Variants in HNF4G observed in about 807,000 individuals in gnomAD.
HNF4G encodes the protein hepatocyte nuclear factor 4-gamma.
A neutral mutation model predicts 50.9 loss-of-function variants in HNF4G; 21 were observed. The observed-to-expected ratio is 0.41, with a 90% confidence interval of 0.29 to 0.59. The LOEUF is 0.59. Among genes scored for constraint, HNF4G ranks in the 20% least tolerant of loss-of-function variants. HNF4G has a pLI of 0.26. For missense variants in HNF4G, 527 were observed against 559.4 expected, an observed-to-expected ratio of 0.94 and a Z score of 0.58; for synonymous variants, 198 against 185.6, an observed-to-expected ratio of 1.07 and a Z score of -0.54.
chr8:75,548,927 A>C (rs1327260569), intron 3 of HNF4G, among the ~76,000 whole-genome samples: 1 of 152,182 alleles, frequency 6.6e-6, no homozygotes, highest in Non-Finnish European at 1.5e-5. Context: ...AAGGAGAAGC[A>C]CTTTCTCATT....
chr8:75,486,394 G>A (rs1467283274), intron 1 of HNF4G, among the ~76,000 whole-genome samples: 1 of 152,124 alleles, frequency 6.6e-6, no homozygotes, highest in Non-Finnish European at 1.5e-5. Context: ...CCAGATTTGA[G>A]TAACTTGATT....
intron 1 of HNF4G, among the ~76,000 whole-genome samples, chr8:75,473,031 C>A (rs554628606): frequency 1.3e-5 from 2 of 151,970 alleles, no homozygotes; most frequent in African/African-American, 4.8e-5. Context: ...AAGTGTCAGC[C>A]GGGAGCAGTG....
chr8:75,512,816 G>C (rs998434437), intron 2 of HNF4G, among the ~76,000 whole-genome samples: 7 of 152,016 alleles, frequency 4.6e-5, no homozygotes, highest in Non-Finnish European at 1.0e-4. Flanking sequence ...GAATAGATTT[G>C]CAAATATTGT....
At chr8:75,474,205 A>G (rs989848390) in intron 1 of HNF4G, among the ~76,000 whole-genome samples, 1 of 152,194 alleles carries the variant, frequency 6.6e-6, no homozygotes, top group Non-Finnish European at 1.5e-5. Context: ...CAAAACTTAA[A>G]CAGTTAATAA....
chr8:75,505,861 A>G (rs1416272167), intron 2 of HNF4G, among the ~76,000 whole-genome samples: 1 of 152,064 alleles, frequency 6.6e-6, no homozygotes, highest in East Asian at 1.9e-4. Flanking sequence ...CTCTGTTACT[A>G]CTCAATAATT....
intron 2 of HNF4G, among the ~76,000 whole-genome samples, chr8:75,514,370 CT>C (rs570442907): frequency 0.083 from 5,162 of 61,844 alleles, 101 homozygotes; most frequent in Non-Finnish European, 0.11. Context: ...TTTTTTCTTT[CT>C]TTTTTTTTTT....
At chr8:75,498,245 A>G (rs1011332891) in intron 2 of HNF4G, among the ~76,000 whole-genome samples, 2 of 152,162 alleles carry the variant, frequency 1.3e-5, no homozygotes, top group Non-Finnish European at 2.9e-5. Context: ...GTTAACAAGG[A>G]ACAAAAAAGC....
intron 2 of HNF4G, among the ~76,000 whole-genome samples, chr8:75,517,148 A>G (rs1381366434): frequency 6.6e-6 from 1 of 152,160 alleles, no homozygotes; most frequent in Non-Finnish European, 1.5e-5. Flanking sequence ...TAGCATGGGA[A>G]AGACCCACCC....
At chr8:75,479,577 A>AT (rs66931689) in intron 1 of HNF4G, among the ~76,000 whole-genome samples, 13,811 of 144,414 alleles carry the variant, frequency 0.096, 668 homozygotes, top group African/African-American at 0.13. Flanking sequence ...CTTCATTTGC[A>AT]TTTTTTTTTT....
chr8:75,505,368 G>A (rs1813049106), intron 2 of HNF4G, among the ~76,000 whole-genome samples: 1 of 152,062 alleles, frequency 6.6e-6, no homozygotes, highest in South Asian at 2.1e-4. Flanking sequence ...CTTGCCTCTA[G>A]ATACACCTTT....
intron 2 of HNF4G, among the ~76,000 whole-genome samples, chr8:75,522,816 A>G (rs892149044): frequency 1.3e-5 from 2 of 152,194 alleles, no homozygotes; most frequent in Non-Finnish European, 2.9e-5. Flanking sequence ...ATAAGTTAAT[A>G]TGAAGCTGGA....
Position 75,566,456 on chromosome 8 carries a change from G to A in HNF4G, c.*2360G>A, listed in dbSNP as rs1030955011. The stretch of plus-strand genomic sequence containing the variant: ...ATTCGTGTATATTTACTAAACAGCT[G>A]TATCTTTGAAATTGTTAGTAATGAT... On this transcript the variant is annotated 3_prime_UTR_variant, in exon 10 of 10. Transcript: ENST00000396423. 10 of 152,484 alleles carry A rather than the reference G, an allele frequency of 6.6e-5. No individual in the cohort carries two copies. The highest frequency in any genetic ancestry group is 3.3e-4 in the Admixed American group (5 of 15,250). The allele number at this position is 152,484 out of a possible 1,614,324, so 9.4% of individuals were successfully genotyped here.
At chr8:75,449,786 C>T (rs1331245526) in intron 1 of HNF4G, among the ~76,000 whole-genome samples, 2 of 152,130 alleles carry the variant, frequency 1.3e-5, no homozygotes, top group Non-Finnish European at 2.9e-5. Flanking sequence ...GGATTACAGG[C>T]ATGAGCCACC....
intron 2 of HNF4G, among the ~76,000 whole-genome samples, chr8:75,511,673 C>G (rs1181316543): frequency 6.6e-6 from 1 of 152,258 alleles, no homozygotes; most frequent in East Asian, 1.9e-4. Flanking sequence ...TCACTGCAAG[C>G]TCTGCCTCCC....
chr8:75,504,619 CATAAT>C (rs962404422), intron 2 of HNF4G, among the ~76,000 whole-genome samples: 1 of 152,106 alleles, frequency 6.6e-6, no homozygotes, highest in Non-Finnish European at 1.5e-5. Flanking sequence ...ATTTTCTAGG[CATAAT>C]ATATTTTGAG....
chr8:75,475,061 T>C (rs1812211065), intron 1 of HNF4G, among the ~76,000 whole-genome samples: 1 of 151,190 alleles, frequency 6.6e-6, no homozygotes, highest in Admixed American at 6.6e-5. Context: ...CAGGCTGGAG[T>C]GCAGTGGTGT....
At chr8:75,429,031 G>C (rs887572829) in intron 1 of HNF4G, among the ~76,000 whole-genome samples, 4 of 152,148 alleles carry the variant, frequency 2.6e-5, no homozygotes, top group African/African-American at 4.8e-5. Context: ...TGATTTCAGA[G>C]AAATTTTGAG....
chr8:75,526,453 G>A (rs1231899016), intron 2 of HNF4G, among the ~76,000 whole-genome samples: 1 of 152,160 alleles, frequency 6.6e-6, no homozygotes, highest in African/African-American at 2.4e-5. Flanking sequence ...TGAAGTCCAA[G>A]GCAATGAGCA....
At chr8:75,534,949 T>G (rs150833367), upstream of HNF4G, among the ~76,000 whole-genome samples, 2,590 of 149,952 alleles carry the variant, frequency 0.017, 36 homozygotes, top group South Asian at 0.047. Context: ...CAGGAACATG[T>G]TTCAAAAATA....
Sources: gnomAD v4.1 joint callset for allele counts (sites outside exome capture counted in the v4.1 genomes callset) on GRCh38, gnomAD v4.1.1 for gene constraint, MANE v1.5 for transcripts, NCBI Gene and HGNC (gene_info 2026-07-23, HGNC 2026-07-21) for gene names.